The following ADARB2 variants were observed in gnomAD, a reference collection of about 807,000 sequenced individuals.
ADARB2 encodes the protein adenosine deaminase RNA specific B2 (inactive), also known as inactive double-stranded RNA-specific editase B2.
A neutral mutation model predicts 62.2 loss-of-function variants in ADARB2; 25 were observed. The ratio of observed to expected loss-of-function variants is 0.40; its 90% CI spans 0.29 to 0.56. ADARB2 has a LOEUF of 0.56. ADARB2 is among the 20% of genes least tolerant of loss of function. The pLI, the probability that ADARB2 is intolerant of heterozygous loss-of-function variation, is 0.43. For missense variants in ADARB2, 1,071 were observed against 1,077.4 expected (o/e 0.99, Z 0.08); for synonymous variants, 572 against 500.8 (o/e 1.14, Z -1.90).
intron 1 of ADARB2, chr10:1,395,015 G>T (rs1239594213): frequency 1.3e-5 from 6 of 453,592 alleles, no homozygotes; most frequent in Non-Finnish European, 2.6e-5. Flanking sequence ...GAACTCCTGG[G>T]CTCAGTTGAT....
At chr10:1,650,662 C>G (rs1834099138) in intron 1 of ADARB2, among the ~76,000 whole-genome samples, 1 of 152,218 alleles carries the variant, frequency 6.6e-6, no homozygotes, top group African/African-American at 2.4e-5. Flanking sequence ...GGGCACATGA[C>G]TCCACCGACC....
intron 1 of ADARB2, among the ~76,000 whole-genome samples, chr10:1,572,153 G>A (rs536269442): frequency 1.6e-4 from 24 of 150,770 alleles, no homozygotes; most frequent in Non-Finnish European, 2.7e-4. Context: ...GTGGACAGGT[G>A]AGTGTGCAGG....
chr10:1,437,484 C>T (rs1032341215), intron 1 of ADARB2, among the ~76,000 whole-genome samples: 8 of 152,126 alleles, frequency 5.3e-5, no homozygotes, highest in Admixed American at 6.5e-5. Flanking sequence ...CACGCAGCCA[C>T]GGGTTTATTA....
At chr10:1,702,336 T>G (rs1834831835) in intron 1 of ADARB2, among the ~76,000 whole-genome samples, 1 of 152,204 alleles carries the variant, frequency 6.6e-6, no homozygotes, top group African/African-American at 2.4e-5. Flanking sequence ...GGAATTACCA[T>G]GCAGTCACCA....
At chr10:1,260,623 A>G (rs1173033328) in intron 4 of ADARB2, among the ~76,000 whole-genome samples, 1 of 152,010 alleles carries the variant, frequency 6.6e-6, no homozygotes, top group Non-Finnish European at 1.5e-5. Context: ...TCAAGGAGAA[A>G]TACAAACCAC....
At chr10:1,487,532 G>A (rs1034770481) in intron 1 of ADARB2, among the ~76,000 whole-genome samples, 15 of 152,264 alleles carry the variant, frequency 9.9e-5, no homozygotes, top group African/African-American at 3.1e-4. Flanking sequence ...TGTGGGCGAA[G>A]CTATAGCCTC....
intron 1 of ADARB2, among the ~76,000 whole-genome samples, chr10:1,613,758 T>A (rs1443377593): frequency 6.6e-6 from 1 of 152,232 alleles, no homozygotes; most frequent in African/African-American, 2.4e-5. Context: ...GATGCCTTTA[T>A]GTACAAAGCT....
chr10:1,524,809 G>A (rs933528146), intron 1 of ADARB2, among the ~76,000 whole-genome samples: 4 of 152,066 alleles, frequency 2.6e-5, no homozygotes, highest in African/African-American at 9.7e-5. Flanking sequence ...CACAGTGAGC[G>A]GTGACACAAA....
chr10:1,324,278 G>T (rs1256261475), intron 3 of ADARB2, among the ~76,000 whole-genome samples: 5 of 152,192 alleles, frequency 3.3e-5, no homozygotes, highest in African/African-American at 4.8e-5. Context: ...GCCCGGGTGG[G>T]TCCCTCATGC....
intron 1 of ADARB2, among the ~76,000 whole-genome samples, chr10:1,561,246 A>G (rs1832782132): frequency 6.6e-6 from 1 of 152,172 alleles, no homozygotes; most frequent in Non-Finnish European, 1.5e-5. Flanking sequence ...AGACCTGCCC[A>G]GCTCTGAGTG....
intron 3 of ADARB2, among the ~76,000 whole-genome samples, chr10:1,282,581 T>A (rs574250127): frequency 3.0e-4 from 45 of 152,342 alleles, no homozygotes; most frequent in African/African-American, 1.0e-3. Context: ...GTTTAATGTT[T>A]TAATCACTTG....
At chr10:1,456,074 C>G (rs1006723630) in intron 1 of ADARB2, among the ~76,000 whole-genome samples, 7 of 152,178 alleles carry the variant, frequency 4.6e-5, no homozygotes, top group African/African-American at 1.7e-4. Flanking sequence ...GGCACATTAA[C>G]TAAGCTAAAC....
intron 1 of ADARB2, among the ~76,000 whole-genome samples, chr10:1,567,559 GGTCA>G (rs1832874367): frequency 6.6e-6 from 1 of 152,140 alleles, no homozygotes; most frequent in Non-Finnish European, 1.5e-5. Flanking sequence ...ATGAAAGGAC[GGTCA>G]GCCCCTGCCA....
chr10:1,251,978 G>T (rs1327589595), intron 4 of ADARB2, among the ~76,000 whole-genome samples: 2 of 152,172 alleles, frequency 1.3e-5, no homozygotes, highest in East Asian at 1.9e-4. Context: ...TGTGAGCAAT[G>T]AACTTCTGTT....
intron 3 of ADARB2, among the ~76,000 whole-genome samples, chr10:1,297,389 T>C (rs1831532620): frequency 6.6e-6 from 1 of 152,200 alleles, no homozygotes; most frequent in Non-Finnish European, 1.5e-5. Context: ...ATCCAGTTAT[T>C]TTAAAAATAG....
intron 1 of ADARB2, among the ~76,000 whole-genome samples, chr10:1,663,985 C>T (rs530489669): frequency 6.6e-6 from 1 of 152,350 alleles, no homozygotes; most frequent in East Asian, 1.9e-4. Context: ...TCCATTCACC[C>T]ACTGAAGGAC....
chr10:1,606,082 G>A (rs773311100), intron 1 of ADARB2, among the ~76,000 whole-genome samples: 11 of 152,144 alleles, frequency 7.2e-5, no homozygotes, highest in East Asian at 5.8e-4. Context: ...AAAATTACAC[G>A]CAATTCAAGA....
intron 1 of ADARB2, among the ~76,000 whole-genome samples, chr10:1,633,617 T>C (rs944989564): frequency 2.0e-5 from 3 of 150,738 alleles, no homozygotes; most frequent in Non-Finnish European, 4.4e-5. Context: ...TCTATCCCTC[T>C]ATGTAATCTA....
At chr10:1,701,957 G>C (rs1261996425) in intron 1 of ADARB2, among the ~76,000 whole-genome samples, 1 of 152,244 alleles carries the variant, frequency 6.6e-6, no homozygotes, top group African/African-American at 2.4e-5. Context: ...GTATAGAGGC[G>C]TGTGTATGCT....
Sources: gnomAD v4.1 joint callset for allele counts (sites outside exome capture counted in the v4.1 genomes callset) on GRCh38, gnomAD v4.1.1 for gene constraint, MANE v1.5 for transcripts, NCBI Gene and HGNC (gene_info 2026-07-23, HGNC 2026-07-21) for gene names.